Variants in PAPPA2 observed in about 807,000 individuals in gnomAD.
The protein encoded by PAPPA2 is pappalysin 2.
Under a neutral mutation model 176.4 loss-of-function variants are expected in PAPPA2, and 86 were observed. The observed-to-expected ratio is 0.49, with a 90% CI of 0.41 to 0.58. The LOEUF is 0.58. Among genes scored for constraint, PAPPA2 ranks in the 20% least tolerant of loss-of-function variants. PAPPA2 has a pLI of 0.00. For missense variants in PAPPA2, 2,073 were observed against 2,256.9 expected, an observed-to-expected ratio of 0.92 and a Z score of 1.65; for synonymous variants, 809 against 852.2, an observed-to-expected ratio of 0.95 and a Z score of 0.88.
At chr1:176,466,824 G>A (rs907571602) in intron 1 of PAPPA2, among the ~76,000 whole-genome samples, 4 of 152,162 alleles carry the variant, frequency 2.6e-5, no homozygotes, top group African/African-American at 7.2e-5. Flanking sequence ...TCCCTGCAAC[G>A]TGGAGGGAGA....
chr1:176,748,907 A>G (rs1259202625), intron 14 of PAPPA2, among the ~76,000 whole-genome samples: 3 of 152,220 alleles, frequency 2.0e-5, no homozygotes, highest in African/African-American at 4.8e-5. Context: ...CAATAAAATC[A>G]CCTAACAACA....
At chr1:176,465,507 A>G (rs533599221) in intron 1 of PAPPA2, among the ~76,000 whole-genome samples, 1 of 152,318 alleles carries the variant, frequency 6.6e-6, no homozygotes, top group South Asian at 2.1e-4. Flanking sequence ...GGGCACATAT[A>G]TCACCTGTTT....
intron 3 of PAPPA2, among the ~76,000 whole-genome samples, chr1:176,623,060 AC>A (rs1655683582): frequency 6.6e-6 from 1 of 152,176 alleles, no homozygotes; most frequent in Non-Finnish European, 1.5e-5. Context: ...CGAAAGCCCT[AC>A]CTTTTAAAAC....
Position 176,765,863 on chromosome 1 carries a change from G to A in PAPPA2, c.4323+26G>A. The A allele has an allele frequency of 1.9e-6, 3 of 1,608,380 alleles. No individual in the cohort carries two copies. In the South Asian group the frequency reaches 3.3e-5, roughly 18 times the overall value. On this transcript the variant is annotated intron_variant, in intron 15 of 22. Transcript: ENST00000367662. ...GTGAGTTGAAAGAACACTATCACCA[G>A]GACCAAGTTCCTGGGAAGGGGAGGT...
intron 4 of PAPPA2, among the ~76,000 whole-genome samples, chr1:176,680,681 T>A (rs1298351823): frequency 1.3e-5 from 2 of 152,194 alleles, no homozygotes; most frequent in African/African-American, 4.8e-5. Flanking sequence ...TTGCAATGAT[T>A]ACTCTTCTAC....
chr1:176,596,010 A>G (rs186820861), intron 3 of PAPPA2, among the ~76,000 whole-genome samples: 1 of 152,370 alleles, frequency 6.6e-6, no homozygotes, highest in Admixed American at 6.5e-5. Flanking sequence ...CTATAGTCTT[A>G]GCATCTTGGC....
chr1:176,520,730 T>C (rs958000671), intron 1 of PAPPA2, among the ~76,000 whole-genome samples: 2 of 152,148 alleles, frequency 1.3e-5, no homozygotes, highest in African/African-American at 4.8e-5. Context: ...AGAAGAAGAC[T>C]GCTTGGTGGG....
At chr1:176,698,675 G>A (rs1391787196) in intron 7 of PAPPA2, among the ~76,000 whole-genome samples, 1 of 152,184 alleles carries the variant, frequency 6.6e-6, no homozygotes, top group Non-Finnish European at 1.5e-5. Flanking sequence ...GAAGTTTTGG[G>A]AAAAGCCCTA....
intron 21 of PAPPA2, among the ~76,000 whole-genome samples, chr1:176,808,618 G>A (rs781398713): frequency 3.9e-4 from 60 of 152,064 alleles, no homozygotes; most frequent in Non-Finnish European, 7.8e-4. Context: ...CTCTGGTCTT[G>A]AGACAACAAG....
chr1:176,473,887 T>C (rs1210131534), intron 1 of PAPPA2, among the ~76,000 whole-genome samples: 1 of 152,196 alleles, frequency 6.6e-6, no homozygotes, highest in Non-Finnish European at 1.5e-5. Flanking sequence ...CATTGTGTTT[T>C]ACCTACTTCT....
At chr1:176,626,353 TCA>T (rs757774096) in intron 3 of PAPPA2, among the ~76,000 whole-genome samples, 2 of 152,268 alleles carry the variant, frequency 1.3e-5, no homozygotes, top group African/African-American at 2.4e-5. Flanking sequence ...TATTTGTGTG[TCA>T]CTTGCTTCTT....
intron 4 of PAPPA2, among the ~76,000 whole-genome samples, chr1:176,681,736 T>C (rs1659594733): frequency 6.6e-6 from 1 of 152,184 alleles, no homozygotes; most frequent in Admixed American, 6.5e-5. Flanking sequence ...GGAAAGATCT[T>C]GGCTCTTTTA....
chr1:176,778,046 A>G (rs1484811702), intron 17 of PAPPA2, among the ~76,000 whole-genome samples: 2 of 149,306 alleles, frequency 1.3e-5, no homozygotes, highest in Non-Finnish European at 2.9e-5. Context: ...AACAAAACAA[A>G]TTAAAAAAAA....
At position 176,595,066 on chromosome 1, in the gene PAPPA2, C is replaced by T. The variant is rs539027209; in HGVS notation, c.1462C>T (p.Pro488Ser). Residue 488 changes from proline to serine, a missense_variant, in exon 3 of 23, where the codon CCT (proline) becomes TCT (serine). Coordinates refer to ENST00000367662, the MANE Select transcript of PAPPA2 (RefSeq NM_020318.3). ...LEVLQGFEPE[P>S]EILSPLQPPL... ...GGTTCTCCAGGGCTTTGAGCCAGAG[C>T]CTGAGATTCTGTCGCCTTTGCAGCC... The T allele has an allele frequency of 1.1e-5, 17 of 1,614,134 alleles. No individual in the cohort carries two copies. The South Asian group carries it at 1.8e-4, about 17-fold the overall frequency.
chr1:176,561,642 A>G (rs995114069), intron 2 of PAPPA2, among the ~76,000 whole-genome samples: 1 of 152,172 alleles, frequency 6.6e-6, no homozygotes, highest in Non-Finnish European at 1.5e-5. Flanking sequence ...TACTATTTTG[A>G]ATAAATTGGA....
chr1:176,554,016 GA>G (rs928678351), intron 1 of PAPPA2, among the ~76,000 whole-genome samples: 1 of 151,942 alleles, frequency 6.6e-6, no homozygotes, highest in Non-Finnish European at 1.5e-5. Context: ...TAAAGGGAAG[GA>G]AAAAGGGCAG....
chr1:176,789,837 G>T lies in PAPPA2; in HGVS notation c.4744G>T (p.Gly1582Cys). 6.2e-7 allele frequency: 1 copy of T among 1,614,016 alleles called. No individual in the cohort carries two copies. The highest frequency in any genetic ancestry group is 8.5e-7 in the Non-Finnish European group (1 of 1,179,976). Residue 1582 changes from glycine (G) to cysteine (C), a missense_variant, in exon 18 of 23, where the codon GGT becomes TGT. Physicochemically the swap from Gly to Cys is radical, Grantham distance 159. Around this residue, in one of 4 missense-constraint regions of PAPPA2, gnomAD observed 846 missense variants for 857.9 expected, o/e 0.99. Transcript: ENST00000367662. ...NKLLKIQCLE[G>C]GIWEQGSCIP... ...GCTCCTGAAGATACAATGCCTGGAA[G>T]GTGGAATCTGGGAGCAAGGCAGCTG...
intron 10 of PAPPA2, among the ~76,000 whole-genome samples, chr1:176,709,382 C>T (rs1293119226): frequency 2.6e-5 from 4 of 152,038 alleles, no homozygotes; most frequent in Admixed American, 6.6e-5. Context: ...ACAAAATACA[C>T]ACCTCACAGG....
At chr1:176,561,277 G>T (rs1198638941) in intron 2 of PAPPA2, among the ~76,000 whole-genome samples, 1 of 152,184 alleles carries the variant, frequency 6.6e-6, no homozygotes, top group Non-Finnish European at 1.5e-5. Context: ...ACAAAGTCTT[G>T]CAGAGTCGTT....
Sources: allele counts gnomAD v4.1 joint callset (sites outside exome capture counted in the v4.1 genomes callset), GRCh38; gene constraint gnomAD v4.1.1; regional missense constraint gnomAD v4.1.1; transcripts MANE v1.5; gene names NCBI Gene and HGNC (gene_info 2026-07-23, HGNC 2026-07-21).